IL12RB2: variants seen among roughly 807,000 people sequenced by gnomAD.
IL12RB2 encodes the protein interleukin 12 receptor subunit beta 2, also known as interleukin-12 receptor subunit beta-2.
Under a neutral mutation model 89.4 loss-of-function variants are expected in IL12RB2, and 82 were observed. The observed-to-expected ratio is 0.92, with a 90% confidence interval of 0.77 to 1.10. IL12RB2 has a LOEUF of 1.10. IL12RB2 is among the 50% of genes least tolerant of loss of function. IL12RB2 has a pLI of 0.00. For synonymous variants in IL12RB2, 368 were observed against 370.1 expected (o/e 0.99, Z 0.07); for missense variants, 963 against 1,031.9 (o/e 0.93, Z 0.92).
chr1:67,341,187 G>A (rs1213355385), intron 9 of IL12RB2, among the ~76,000 whole-genome samples: 1 of 152,192 alleles, frequency 6.6e-6, no homozygotes, highest in Non-Finnish European at 1.5e-5. Flanking sequence ...GGAGGTCGAG[G>A]TGGGCAGATC....
At chr1:67,394,360 T>A (rs185056708) in intron 16 of IL12RB2, among the ~76,000 whole-genome samples, 20 of 152,130 alleles carry the variant, frequency 1.3e-4, no homozygotes, top group African/African-American at 1.9e-4. Flanking sequence ...CCCAGTTTTT[T>A]AAAAATGTTA....
At chr1:67,335,729 G>A (rs569324957) in intron 8 of IL12RB2, among the ~76,000 whole-genome samples, 1 of 152,204 alleles carries the variant, frequency 6.6e-6, no homozygotes, top group African/African-American at 2.4e-5. Context: ...ACAGTTGAAT[G>A]TCAAAGATTC....
intron 2 of IL12RB2, among the ~76,000 whole-genome samples, chr1:67,318,198 G>A (rs540998868): frequency 2.0e-3 from 309 of 152,332 alleles, no homozygotes; most frequent in African/African-American, 6.5e-3. Context: ...ATGGAGCAGA[G>A]TGAACCAGGC....
At chr1:67,339,326 A>G (rs1260809234) in intron 9 of IL12RB2, among the ~76,000 whole-genome samples, 1 of 152,130 alleles carries the variant, frequency 6.6e-6, no homozygotes, top group Non-Finnish European at 1.5e-5. Context: ...GTCTCTACTG[A>G]AAATACAAAA....
chr1:67,362,602 A>G (rs949232006), intron 10 of IL12RB2, among the ~76,000 whole-genome samples: 2 of 150,708 alleles, frequency 1.3e-5, no homozygotes, highest in Non-Finnish European at 3.0e-5. Flanking sequence ...AGAAAAAGAA[A>G]AAAAAAGAAA....
At chr1:67,374,555 A>G (rs895693295) in intron 13 of IL12RB2, among the ~76,000 whole-genome samples, 1 of 150,278 alleles carries the variant, frequency 6.7e-6, no homozygotes, top group Non-Finnish European at 1.5e-5. Context: ...AGCTTACTGC[A>G]ACCTCTACCT....
At chr1:67,345,823 A>T (rs1660153918) in intron 9 of IL12RB2, among the ~76,000 whole-genome samples, 1 of 152,198 alleles carries the variant, frequency 6.6e-6, no homozygotes, top group Non-Finnish European at 1.5e-5. Context: ...GGGAATTTTG[A>T]TTGGATAGCA....
At chr1:67,390,865 G>A (rs1164614438) in intron 16 of IL12RB2, among the ~76,000 whole-genome samples, 1 of 152,110 alleles carries the variant, frequency 6.6e-6, no homozygotes, top group Non-Finnish European at 1.5e-5. Context: ...CTGGGGCTTT[G>A]ACAACTCCAG....
At chr1:67,327,663 A>G (rs1044248095) in intron 5 of IL12RB2, among the ~76,000 whole-genome samples, 2 of 152,318 alleles carry the variant, frequency 1.3e-5, no homozygotes, top group East Asian at 1.9e-4. Context: ...AGATTTCATG[A>G]TCCCATTAAA....
intron 7 of IL12RB2, among the ~76,000 whole-genome samples, 155 bp from the exon 8 acceptor site, chr1:67,330,505 T>TA (rs751678208): frequency 3.3e-4 from 50 of 151,884 alleles, no homozygotes; most frequent in Non-Finnish European, 5.9e-4. Flanking sequence ...ATCTATTCGG[T>TA]AAGACAGTCA....
intron 3 of IL12RB2, 98 bp from the exon 4 acceptor site, chr1:67,321,504 G>C: frequency 1.3e-6 from 1 of 794,534 alleles, no homozygotes; most frequent in Non-Finnish European, 2.3e-6. Context: ...TGATCTGATG[G>C]AGTTAATTTT....
chr1:67,355,422 G>GAAAAAAAAAA (rs1171395256), intron 10 of IL12RB2, among the ~76,000 whole-genome samples: 1 of 93,712 alleles, frequency 1.1e-5, no homozygotes, highest in African/African-American at 4.1e-5. Context: ...GTCTCAAAAA[G>GAAAAAAAAAA]AAAAAAAAAA....
chr1:67,386,872 T>TTTTATATATATATATATA (rs1473033781), intron 15 of IL12RB2, among the ~76,000 whole-genome samples: 2 of 48,432 alleles, frequency 4.1e-5, no homozygotes, highest in Non-Finnish European at 8.9e-5. Context: ...GAAATGTATT[T>TTTTATATATATATATATA]TATATATATA....
At chr1:67,387,898 C>T (rs1249974039) in intron 15 of IL12RB2, among the ~76,000 whole-genome samples, 2 of 151,996 alleles carry the variant, frequency 1.3e-5, no homozygotes, top group African/African-American at 4.8e-5. Flanking sequence ...ATGACTGAGG[C>T]TGGGCGCCGG....
chr1:67,345,267 C>G (rs886437026), intron 9 of IL12RB2, among the ~76,000 whole-genome samples: 3 of 152,198 alleles, frequency 2.0e-5, no homozygotes, highest in African/African-American at 7.2e-5. Flanking sequence ...TGACAAACAG[C>G]TACCCTCAAA....
chr1:67,372,869 C>A, intron 13 of IL12RB2, 86 bp downstream of exon 13: 1 of 887,004 alleles, frequency 1.1e-6, no homozygotes, highest in South Asian at 1.3e-5. Context: ...CACATCTACA[C>A]ACATGTGCTA....
chr1:67,339,747 C>T (rs979836574), intron 9 of IL12RB2, among the ~76,000 whole-genome samples: 19 of 152,118 alleles, frequency 1.2e-4, no homozygotes, highest in Non-Finnish European at 1.3e-4. Context: ...AATGAAAAAA[C>T]GAGTATCAGA....
chr1:67,358,406 T>C (rs1324540527), intron 10 of IL12RB2, among the ~76,000 whole-genome samples: 2 of 151,950 alleles, frequency 1.3e-5, no homozygotes, highest in African/African-American at 4.8e-5. Context: ...TGAAACCCTG[T>C]CTCTACTAAA....
intron 15 of IL12RB2, among the ~76,000 whole-genome samples, chr1:67,386,926 TC>T (rs1665259029): frequency 2.6e-5 from 3 of 114,960 alleles, no homozygotes; most frequent in Non-Finnish European, 3.8e-5. Context: ...ATTCTTTTTT[TC>T]CCCCAAAAAA....
Sources: allele counts gnomAD v4.1 joint callset (sites outside exome capture counted in the v4.1 genomes callset), GRCh38; gene constraint gnomAD v4.1.1; transcripts MANE v1.5; gene names NCBI Gene and HGNC (gene_info 2026-07-23, HGNC 2026-07-21).